Variants in EVI5 observed in about 807,000 individuals in gnomAD.
EVI5 encodes the protein ecotropic viral integration site 5.
In EVI5, 73 loss-of-function variants were observed where a neutral mutation model predicts 112.0. That is an observed-to-expected ratio of 0.65 (90% confidence interval 0.54 to 0.79). The LOEUF (loss-of-function observed/expected upper bound fraction) is 0.79. Ranked by LOEUF, EVI5 falls within the 30% of genes least tolerant of loss-of-function variation. The pLI is 0.00. For missense variants in EVI5, 900 were observed against 968.8 expected, an observed-to-expected ratio of 0.93 and a Z score of 0.94; for synonymous variants, 305 against 319.9, an observed-to-expected ratio of 0.95 and a Z score of 0.50.
intron 2 of EVI5, among the ~76,000 whole-genome samples, chr1:92,710,242 C>T (rs1672644155): frequency 6.6e-6 from 1 of 151,878 alleles, no homozygotes; most frequent in Non-Finnish European, 1.5e-5. Context: ...TACTGGGGGG[C>T]TTTGGTGGAA....
chr1:92,678,518 T>C (rs1667104305), intron 9 of EVI5, among the ~76,000 whole-genome samples: 2 of 151,916 alleles, frequency 1.3e-5, no homozygotes, highest in Non-Finnish European at 1.5e-5. Flanking sequence ...GACCCTTCCC[T>C]GCAACGCCCA....
intron 18 of EVI5, among the ~76,000 whole-genome samples, chr1:92,566,669 C>T (rs6684552): frequency 0.021 from 3,144 of 152,196 alleles, 123 homozygotes; most frequent in African/African-American, 0.071. Context: ...AAGCATTGTT[C>T]TCATAGGAGA....
intron 2 of EVI5, among the ~76,000 whole-genome samples, chr1:92,713,082 C>A (rs1049782949): frequency 6.6e-6 from 1 of 151,752 alleles, no homozygotes; most frequent in Non-Finnish European, 1.5e-5. Context: ...GCCACCAGGC[C>A]CAGCCTGAAA....
At chr1:92,726,589 TCAGATGG>T (rs1481811640) in intron 2 of EVI5, among the ~76,000 whole-genome samples, 13 of 152,212 alleles carry the variant, frequency 8.5e-5, no homozygotes, top group Admixed American at 2.0e-4. Flanking sequence ...GAAGGAAATA[TCAGATGG>T]AAATCTGGAT....
chr1:92,667,404 CA>C (rs1191464961), intron 10 of EVI5, among the ~76,000 whole-genome samples: 6 of 152,060 alleles, frequency 3.9e-5, no homozygotes, highest in African/African-American at 1.4e-4. Flanking sequence ...TCTGAGAAAA[CA>C]ACTCCAATTA....
chr1:92,618,872 A>T (rs1400459373), intron 16 of EVI5, among the ~76,000 whole-genome samples: 1 of 152,228 alleles, frequency 6.6e-6, no homozygotes, highest in East Asian at 1.9e-4. Flanking sequence ...CATGTGACAT[A>T]AGATTTATTG....
intron 19 of EVI5, among the ~76,000 whole-genome samples, chr1:92,518,748 T>G (rs1660388906): frequency 6.6e-6 from 1 of 151,910 alleles, no homozygotes; most frequent in South Asian, 2.1e-4. Context: ...TCCAGGACAG[T>G]GGATCAAAGT....
intron 14 of EVI5, among the ~76,000 whole-genome samples, chr1:92,632,315 C>T (rs1341036173): frequency 6.6e-6 from 1 of 152,004 alleles, no homozygotes; most frequent in Non-Finnish European, 1.5e-5. Flanking sequence ...TGGTCCTGGA[C>T]TTTTTTTGGT....
intron 18 of EVI5, among the ~76,000 whole-genome samples, chr1:92,596,615 G>A (rs986915250): frequency 1.3e-5 from 2 of 152,066 alleles, no homozygotes; most frequent in Non-Finnish European, 2.9e-5. Context: ...AGGGTTTCAT[G>A]GTGGACAGAA....
At chr1:92,665,688 A>G (rs556450383) in intron 11 of EVI5, among the ~76,000 whole-genome samples, 33 of 152,368 alleles carry the variant, frequency 2.2e-4, no homozygotes, top group African/African-American at 7.5e-4. Flanking sequence ...TGTGTAAAGA[A>G]AACAAATAGT....
chr1:92,727,184 T>C (rs748896721), intron 2 of EVI5, among the ~76,000 whole-genome samples: 1 of 152,014 alleles, frequency 6.6e-6, no homozygotes, highest in Non-Finnish European at 1.5e-5. Flanking sequence ...AATATATTAG[T>C]GGTTACCAGG....
At chr1:92,676,766 T>C (rs1666812061) in intron 10 of EVI5, among the ~76,000 whole-genome samples, 1 of 151,498 alleles carries the variant, frequency 6.6e-6, no homozygotes, top group African/African-American at 2.4e-5. Flanking sequence ...AGAGCAACCA[T>C]AATTAGTTCT....
chr1:92,676,541 C>T (rs1013476425), intron 10 of EVI5, among the ~76,000 whole-genome samples: 1 of 152,188 alleles, frequency 6.6e-6, no homozygotes, highest in Non-Finnish European at 1.5e-5. Flanking sequence ...CAATTTTTCT[C>T]AAGTCCCAGC....
chr1:92,627,829 G>A (rs1025855203), intron 14 of EVI5, among the ~76,000 whole-genome samples: 17 of 151,040 alleles, frequency 1.1e-4, no homozygotes, highest in Admixed American at 5.3e-4. Context: ...TTGCTCTGTC[G>A]CCCAGGCTGG....
chr1:92,627,434 A>G (rs547711937), intron 14 of EVI5, among the ~76,000 whole-genome samples: 5 of 152,016 alleles, frequency 3.3e-5, no homozygotes, highest in Admixed American at 1.3e-4. Context: ...TGGGCATTTG[A>G]GTTGGTTCCA....
At chr1:92,677,465 C>T (rs1368497205) in intron 9 of EVI5, among the ~76,000 whole-genome samples, 3 of 152,074 alleles carry the variant, frequency 2.0e-5, no homozygotes, top group African/African-American at 7.2e-5. Context: ...ATGTATAAAG[C>T]ACAAAATGCA....
intron 2 of EVI5, among the ~76,000 whole-genome samples, chr1:92,707,890 A>G (rs977150890): frequency 1.6e-4 from 24 of 152,222 alleles, no homozygotes; most frequent in African/African-American, 5.1e-4. Flanking sequence ...ATTGTGGTAC[A>G]TTCATTCAGT....
chr1:92,566,932 GAGTAGCTGGGACTACAGACGCAC>G (rs1445200151), intron 18 of EVI5, among the ~76,000 whole-genome samples: 1 of 148,844 alleles, frequency 6.7e-6, no homozygotes, highest in African/African-American at 2.5e-5. Flanking sequence ...TCAGCCTTCT[GAGTAGCTGGGACTACAGACGCAC>G]ACCACCATGC....
intron 13 of EVI5, among the ~76,000 whole-genome samples, chr1:92,644,830 C>G (rs1334533743): frequency 6.6e-6 from 1 of 151,980 alleles, no homozygotes; most frequent in African/African-American, 2.4e-5. Context: ...TTCCAGATAC[C>G]TATTATTAAT....
Sources: allele counts gnomAD v4.1 joint callset (sites outside exome capture counted in the v4.1 genomes callset), GRCh38; gene constraint gnomAD v4.1.1; transcripts MANE v1.5; gene names NCBI Gene and HGNC (gene_info 2026-07-23, HGNC 2026-07-21).